Variants in APP observed in about 807,000 individuals in gnomAD.
The protein encoded by APP is amyloid-beta precursor protein.
A neutral mutation model predicts 101.4 loss-of-function variants in APP; 31 were observed. The ratio of observed to expected loss-of-function variants is 0.31; its 90% confidence interval spans 0.23 to 0.41. The LOEUF (loss-of-function observed/expected upper bound fraction) is 0.41, where lower values mean the gene tolerates loss of function less well. Ranked by LOEUF, APP falls within the 10% of genes least tolerant of loss-of-function variation. The probability of loss-of-function intolerance (pLI) is 1.00; values close to 1 mark genes in which losing one functional copy is unlikely to be tolerated. For synonymous variants in APP, 366 were observed against 364.4 expected (o/e 1.00, Z -0.05); for missense variants, 839 against 1,003.7 (o/e 0.84, Z 2.22).
intron 4 of APP, 122 bp downstream of exon 4, chr21:26,053,114 T>TG: frequency 1.2e-6 from 1 of 818,314 alleles, no homozygotes; most frequent in South Asian, 1.4e-5. Context: ...ATAGTAGCAC[T>TG]GGGTTTTTTT....
intron 5 of APP, among the ~76,000 whole-genome samples, chr21:26,026,554 T>A (rs2044585020): frequency 6.6e-6 from 1 of 152,250 alleles, no homozygotes. Context: ...AAGATTTTGA[T>A]TCACACACCA....
intron 3 of APP, among the ~76,000 whole-genome samples, chr21:26,087,506 T>G (rs985183544): frequency 1.1e-4 from 17 of 152,234 alleles, no homozygotes; most frequent in African/African-American, 3.9e-4. Flanking sequence ...TTTTGAATTA[T>G]GTACCTCCAC....
chr21:26,053,535 C>T (rs1368759833), intron 3 of APP, 187 bp from the exon 4 acceptor site: 3 of 530,734 alleles, frequency 5.7e-6, no homozygotes, highest in Admixed American at 3.1e-5. Context: ...CGTTTCTTGC[C>T]ACTTCAAGTT....
intron 6 of APP, among the ~76,000 whole-genome samples, chr21:26,010,292 C>T (rs1343678275): frequency 4.0e-5 from 6 of 151,688 alleles, no homozygotes; most frequent in Admixed American, 6.6e-5. Context: ...AATATGCATA[C>T]GCAATGTTTC....
intron 2 of APP, among the ~76,000 whole-genome samples, chr21:26,091,776 A>C (rs1476310580): frequency 6.6e-6 from 1 of 152,036 alleles, no homozygotes; most frequent in Non-Finnish European, 1.5e-5. Flanking sequence ...GAAGAGGAAA[A>C]GAGGAAATGA....
chr21:26,145,260 G>T (rs1442458353), intron 1 of APP, among the ~76,000 whole-genome samples: 1 of 152,118 alleles, frequency 6.6e-6, no homozygotes, highest in Non-Finnish European at 1.5e-5. Flanking sequence ...TTGGCACCAG[G>T]GACTGGTTTT....
chr21:26,110,931 G>A (rs1334871264), intron 2 of APP, among the ~76,000 whole-genome samples: 1 of 151,930 alleles, frequency 6.6e-6, no homozygotes, highest in Admixed American at 6.5e-5. Flanking sequence ...AACTATCTAA[G>A]AAGTGTGAGA....
chr21:25,932,494 G>T (rs545555012), intron 13 of APP, among the ~76,000 whole-genome samples: 9 of 152,206 alleles, frequency 5.9e-5, no homozygotes, highest in African/African-American at 2.2e-4. Context: ...TTCCATGGAT[G>T]TACAGCTTCA....
intron 3 of APP, among the ~76,000 whole-genome samples, chr21:26,088,602 G>A (rs1375352748): frequency 6.6e-6 from 1 of 152,032 alleles, no homozygotes; most frequent in Non-Finnish European, 1.5e-5. Context: ...GTTATTTCTT[G>A]GTGTAATAAC....
chr21:26,022,890 T>C (rs941462737), intron 5 of APP, among the ~76,000 whole-genome samples: 4 of 149,378 alleles, frequency 2.7e-5, no homozygotes, highest in East Asian at 4.0e-4. Context: ...TGGTCAGGGA[T>C]GCCTGCTGGA....
At position 25,930,805 on chromosome 21, in the gene APP, T is replaced by A. The variant is rs541103138; in HGVS notation, c.1688-18843A>T. 2.6e-5 allele frequency among the ~76,000 whole-genome samples: 4 copies of A among 152,330 alleles called. No individual in the cohort carries two copies. In the South Asian group the frequency reaches 8.3e-4, roughly 32 times the overall value. On this transcript the variant is annotated intron_variant, in intron 13 of 17. Coordinates refer to ENST00000346798, the MANE Select transcript of APP (RefSeq NM_000484.4). ...TGAACAATTCTAGATATAGCAATGGTTCTTTCTCCTCTGCTTTAGCTTATT... is the reference window on the plus strand; with the variant it reads ...TGAACAATTCTAGATATAGCAATGGATCTTTCTCCTCTGCTTTAGCTTATT...
intron 13 of APP, among the ~76,000 whole-genome samples, chr21:25,940,855 A>G (rs757277654): frequency 7.2e-5 from 11 of 152,210 alleles, no homozygotes; most frequent in African/African-American, 4.8e-5. Context: ...CAGATTGCTC[A>G]GCCCCATCCC....
intron 1 of APP, among the ~76,000 whole-genome samples, chr21:26,165,744 A>G (rs1364140214): frequency 6.6e-6 from 1 of 152,190 alleles, no homozygotes; most frequent in East Asian, 1.9e-4. Flanking sequence ...TTTCTTCAAC[A>G]TGTAGCCACA....
chr21:26,115,142 A>G (rs944598476), intron 1 of APP, among the ~76,000 whole-genome samples: 1 of 152,190 alleles, frequency 6.6e-6, no homozygotes, highest in African/African-American at 2.4e-5. Context: ...AACATGCTCT[A>G]TTTTCTTCAA....
intron 13 of APP, among the ~76,000 whole-genome samples, chr21:25,922,916 C>T (rs1043255064): frequency 6.4e-4 from 88 of 137,354 alleles, no homozygotes; most frequent in Non-Finnish European, 1.7e-4. Flanking sequence ...GAGCCCGCAT[C>T]GCCAAGTCAA....
chr21:25,987,528 C>T lies in APP; in HGVS notation c.1091-5051G>A, dbSNP rs377141071. 5.9e-5 allele frequency among the ~76,000 whole-genome samples: 9 copies of T among 152,320 alleles called. No individual in the cohort carries two copies. In the East Asian group the frequency reaches 1.3e-3, roughly 23 times the overall value. On this transcript the variant is annotated intron_variant, in intron 8 of 17. Coordinates refer to ENST00000346798, the MANE Select transcript of APP (RefSeq NM_000484.4). ...GTAGGATATATAGGCTATTACCTCC[C>T]TTCCTTTTAATAGTGATCATGTGTA... is the stretch of plus-strand genomic sequence containing the variant.
At chr21:25,959,671 A>C (rs2041492701) in intron 11 of APP, among the ~76,000 whole-genome samples, 1 of 152,198 alleles carries the variant, frequency 6.6e-6, no homozygotes, top group Non-Finnish European at 1.5e-5. Flanking sequence ...TAATGCATGA[A>C]ATTATTTAGC....
chr21:26,022,931 A>C (rs545541012), intron 5 of APP, among the ~76,000 whole-genome samples: 1 of 148,312 alleles, frequency 6.7e-6, no homozygotes, highest in East Asian at 2.0e-4. Context: ...AAACTGACTT[A>C]AGTAAACCTG....
At chr21:26,108,937 G>T (rs1423166161) in intron 2 of APP, among the ~76,000 whole-genome samples, 1 of 152,000 alleles carries the variant, frequency 6.6e-6, no homozygotes, top group Non-Finnish European at 1.5e-5. Flanking sequence ...ATAAAGTCTA[G>T]TGACTTCCTG....
Sources: gnomAD v4.1 joint callset for allele counts (sites outside exome capture counted in the v4.1 genomes callset) on GRCh38, gnomAD v4.1.1 for gene constraint, MANE v1.5 for transcripts, NCBI Gene and HGNC (gene_info 2026-07-23, HGNC 2026-07-21) for gene names.